The following LNPK variants were observed in gnomAD, a reference collection of about 807,000 sequenced individuals.
LNPK encodes lunapark, ER junction formation factor, also known as endoplasmic reticulum junction formation protein lunapark.
Under a neutral mutation model 55.2 loss-of-function variants are expected in LNPK, and 29 were observed. The ratio of observed to expected loss-of-function variants is 0.53; its 90% confidence interval spans 0.39 to 0.72. The LOEUF (loss-of-function observed/expected upper bound fraction) is 0.72, where lower values mean the gene tolerates loss of function less well. Ranked by LOEUF, LNPK falls within the 30% of genes least tolerant of loss-of-function variation. LNPK has a pLI of 0.00. For synonymous variants in LNPK, 162 were observed against 168.2 expected, an observed-to-expected ratio of 0.96 and a Z score of 0.29; for missense variants, 467 against 494.8, an observed-to-expected ratio of 0.94 and a Z score of 0.53.
chr2:175,983,147 A>G (rs1687252051), intron 4 of LNPK, among the ~76,000 whole-genome samples: 1 of 152,246 alleles, frequency 6.6e-6, no homozygotes, highest in Non-Finnish European at 1.5e-5. Flanking sequence ...TGTTTGTAAC[A>G]ATGAGAACAA....
chr2:175,939,104 T>C (rs1241399940), intron 10 of LNPK, among the ~76,000 whole-genome samples: 2 of 152,128 alleles, frequency 1.3e-5, no homozygotes, highest in African/African-American at 2.4e-5. Context: ...ACAATTGCTC[T>C]GTACATATCA....
intron 5 of LNPK, among the ~76,000 whole-genome samples, chr2:175,973,185 A>C (rs1686740070): frequency 6.6e-6 from 1 of 152,220 alleles, no homozygotes; most frequent in Non-Finnish European, 1.5e-5. Context: ...CTGTAGCAAA[A>C]GCTAATTTCC....
At chr2:175,955,197 A>C (rs1397894325) in intron 8 of LNPK, among the ~76,000 whole-genome samples, 1 of 152,092 alleles carries the variant, frequency 6.6e-6, no homozygotes, top group Non-Finnish European at 1.5e-5. Context: ...GTGTCTGTGT[A>C]CCCTCCCCTT....
chr2:175,964,635 C>G, intron 6 of LNPK, 46 bp from the exon 7 acceptor site: 1 of 1,009,762 alleles, frequency 9.9e-7, no homozygotes. Context: ...AAAACACACA[C>G]TACTTATTTG....
At chr2:175,949,992 T>C (rs1685321778) in intron 8 of LNPK, among the ~76,000 whole-genome samples, 1 of 152,048 alleles carries the variant, frequency 6.6e-6, no homozygotes, top group Non-Finnish European at 1.5e-5. Context: ...CTCAACAAAA[T>C]AGTCATATTA....
chr2:175,978,530 G>C (rs1687016855), intron 5 of LNPK, among the ~76,000 whole-genome samples: 2 of 151,988 alleles, frequency 1.3e-5, no homozygotes, highest in Non-Finnish European at 2.9e-5. Context: ...TTTGATTGTT[G>C]GTTTTTGGTA....
chr2:175,965,298 C>G (rs1347036360), intron 6 of LNPK, among the ~76,000 whole-genome samples: 2 of 152,144 alleles, frequency 1.3e-5, no homozygotes, highest in East Asian at 3.8e-4. Flanking sequence ...ACCATGCACT[C>G]AAGTCACTTT....
intron 8 of LNPK, among the ~76,000 whole-genome samples, chr2:175,962,765 G>GCAATCTA (rs1329582890): frequency 1.3e-5 from 2 of 151,956 alleles, no homozygotes; most frequent in African/African-American, 2.4e-5. Flanking sequence ...GACTGAACAC[G>GCAATCTA]CAATCTACAG....
At chr2:175,974,321 G>T (rs1027281666) in intron 5 of LNPK, among the ~76,000 whole-genome samples, 1 of 152,094 alleles carries the variant, frequency 6.6e-6, no homozygotes, top group Non-Finnish European at 1.5e-5. Flanking sequence ...AAATAAAATT[G>T]TCACAGTACA....
intron 8 of LNPK, among the ~76,000 whole-genome samples, chr2:175,955,719 G>A (rs180869247): frequency 6.6e-4 from 100 of 152,144 alleles, no homozygotes; most frequent in African/African-American, 2.4e-3. Context: ...ATCAAAAAAA[G>A]ATCTATAATT....
At chr2:175,994,597 A>G (rs1048369498) in intron 2 of LNPK, among the ~76,000 whole-genome samples, 1 of 152,220 alleles carries the variant, frequency 6.6e-6, no homozygotes, top group South Asian at 2.1e-4. Context: ...ATCTCGGCTC[A>G]CTGCAACCTT....
At chr2:176,002,280 C>T, upstream of LNPK, 1 of 444,310 alleles carries the variant, frequency 2.3e-6, no homozygotes, top group Non-Finnish European at 4.5e-6. Context: ...GCCGGGCCAA[C>T]TCCTTCCCAT....
At chr2:175,960,691 G>C (rs1391089891) in intron 8 of LNPK, among the ~76,000 whole-genome samples, 1 of 151,988 alleles carries the variant, frequency 6.6e-6, no homozygotes, top group Non-Finnish European at 1.5e-5. Context: ...CTAGCAGAAG[G>C]CTAGAAATAA....
chr2:175,936,967 T>G (rs1574808913), intron 12 of LNPK, among the ~76,000 whole-genome samples: 1 of 152,226 alleles, frequency 6.6e-6, no homozygotes, highest in East Asian at 1.9e-4. Flanking sequence ...TTATCAATAT[T>G]AATCACAAAT....
intron 12 of LNPK, 139 bp downstream of exon 12, chr2:175,937,205 A>T: frequency 1.4e-6 from 1 of 717,504 alleles, no homozygotes; most frequent in Non-Finnish European, 2.3e-6. Context: ...ACAGGAGGCT[A>T]TGGTAACAGA....
intron 2 of LNPK, chr2:175,994,385 C>A: frequency 1.1e-6 from 1 of 886,532 alleles, no homozygotes; most frequent in Non-Finnish European, 1.4e-6. Flanking sequence ...AAGGCTGTTC[C>A]AGCAATACCC....
intron 5 of LNPK, among the ~76,000 whole-genome samples, chr2:175,975,419 T>A (rs1412848178): frequency 6.6e-6 from 1 of 152,216 alleles, no homozygotes; most frequent in Non-Finnish European, 1.5e-5. Context: ...TTTACTACTT[T>A]TAACAGTCCT....
chr2:175,987,671 A>G (rs1687491699), intron 4 of LNPK, among the ~76,000 whole-genome samples: 1 of 68,048 alleles, frequency 1.5e-5, no homozygotes, highest in African/African-American at 4.0e-5. Context: ...CTTAAAGTAT[A>G]ATTAAAAAAA....
At chr2:175,983,030 G>C (rs1197275582) in intron 4 of LNPK, among the ~76,000 whole-genome samples, 4 of 152,166 alleles carry the variant, frequency 2.6e-5, no homozygotes, top group African/African-American at 9.7e-5. Context: ...AAAAGCAATG[G>C]AGATTATTAC....
Sources: gnomAD v4.1 joint callset for allele counts (sites outside exome capture counted in the v4.1 genomes callset) on GRCh38, gnomAD v4.1.1 for gene constraint, MANE v1.5 for transcripts, NCBI Gene and HGNC (gene_info 2026-07-23, HGNC 2026-07-21) for gene names.